Variants in AAK1 observed in about 807,000 individuals in gnomAD.
The protein encoded by AAK1 is AP2 associated kinase 1, also known as AP2-associated protein kinase 1.
AAK1 carries 37 observed loss-of-function variants against 116.0 expected under a neutral mutation model. The observed-to-expected ratio is 0.32, with a 90% confidence interval of 0.25 to 0.42. The LOEUF (loss-of-function observed/expected upper bound fraction) is 0.42, where lower values mean the gene tolerates loss of function less well. Among genes scored for constraint, AAK1 ranks in the 10% least tolerant of loss-of-function variants. The pLI, the probability that AAK1 is intolerant of heterozygous loss-of-function variation, is 1.00. For synonymous variants in AAK1, 458 were observed against 439.9 expected, an observed-to-expected ratio of 1.04 and a Z score of -0.51; for missense variants, 919 against 1,170.6, an observed-to-expected ratio of 0.79 and a Z score of 3.14.
Position 69,466,906 on chromosome 2 carries a change from T to C in AAK1, c.*8963A>G. 1.0e-6 allele frequency: 1 copy of C among 985,408 alleles called. No homozygotes were observed. Among genetic ancestry groups the C allele is most frequent in the Non-Finnish European group, 1.2e-6 (1 of 829,934 alleles). 61.0% of individuals were successfully genotyped at this position (985,408 alleles called of 1,614,324 possible). A position where few individuals can be genotyped will look rare whatever the true frequency, so the allele number is the denominator to read the frequency against. On this transcript the variant is annotated 3_prime_UTR_variant, in exon 22 of 22. Transcript: ENST00000409085. ...ATGGAATGAAAACAAACCCAGTCAT[T>C]CATCTCCACATATACCATGACAGTT...
At chr2:69,622,814 C>G (rs534272297) in intron 2 of AAK1, among the ~76,000 whole-genome samples, 5 of 152,206 alleles carry the variant, frequency 3.3e-5, no homozygotes, top group Admixed American at 2.6e-4. Context: ...ATCGACACTC[C>G]GCATCTAGCT....
chr2:69,516,511 C>T (rs1676587834), intron 12 of AAK1, among the ~76,000 whole-genome samples: 1 of 151,972 alleles, frequency 6.6e-6, no homozygotes. Context: ...AGCATCAAAA[C>T]TGTGGTTTCT....
intron 2 of AAK1, among the ~76,000 whole-genome samples, chr2:69,600,469 G>A (rs1673525442): frequency 6.6e-6 from 1 of 152,140 alleles, no homozygotes; most frequent in African/African-American, 2.4e-5. Flanking sequence ...AGCAGAGAAA[G>A]TAACAACAAC....
At chr2:69,565,820 C>G (rs1323006004) in intron 2 of AAK1, among the ~76,000 whole-genome samples, 3 of 151,854 alleles carry the variant, frequency 2.0e-5, no homozygotes, top group African/African-American at 7.3e-5. Context: ...ACAGTTAGAA[C>G]CTGGGTGCAC....
At chr2:69,637,870 C>T (rs1004657566) in intron 2 of AAK1, among the ~76,000 whole-genome samples, 18 of 152,198 alleles carry the variant, frequency 1.2e-4, no homozygotes, top group African/African-American at 4.1e-4. Flanking sequence ...CATACCCTCC[C>T]ACTCAAAAGT....
At chr2:69,609,020 T>C (rs1344207431) in intron 2 of AAK1, among the ~76,000 whole-genome samples, 1 of 152,242 alleles carries the variant, frequency 6.6e-6, no homozygotes, top group Non-Finnish European at 1.5e-5. Context: ...GAAGACTTGT[T>C]GTTAGGATGT....
intron 5 of AAK1, among the ~76,000 whole-genome samples, chr2:69,539,867 T>A (rs762984663): frequency 6.6e-6 from 1 of 152,232 alleles, no homozygotes; most frequent in Non-Finnish European, 1.5e-5. Flanking sequence ...CATCACTGCC[T>A]GATCTCACTA....
At position 69,578,932 on chromosome 2, in the gene AAK1, T is replaced by C. The variant is rs75947430; in HGVS notation, c.164-21954A>G. On this transcript the variant is annotated intron_variant, in intron 2 of 21. Transcript: ENST00000409085. The stretch of plus-strand genomic sequence containing the variant: ...AGTTCTCCTGCCTCAGCCTCCCAAG[T>C]AGCTGGGACTACAGGTGCGTGCCAC... 1.6e-4 allele frequency among the ~76,000 whole-genome samples: 25 copies of C among 152,090 alleles called. No homozygotes were observed. The South Asian group carries it at 5.0e-3, about 30-fold the overall frequency.
At chr2:69,510,250 C>A (rs1477753711) in intron 13 of AAK1, among the ~76,000 whole-genome samples, 1 of 152,168 alleles carries the variant, frequency 6.6e-6, no homozygotes, top group African/African-American at 2.4e-5. Flanking sequence ...CTCTTTGCGT[C>A]CATGAGTTCT....
chr2:69,503,553 G>A (rs1342959656), intron 16 of AAK1, among the ~76,000 whole-genome samples: 4 of 152,034 alleles, frequency 2.6e-5, no homozygotes, highest in Admixed American at 6.6e-5. Context: ...AGGATCTCAC[G>A]CTGTTGCCCA....
rs79559745 is a variant in AAK1 at position 69,523,592 on chromosome 2, TCTC to T, written c.1055+1438_1055+1440del. On this transcript the variant is annotated intron_variant, in intron 10 of 21. Transcript: ENST00000409085. ...GGTAGAAAAAAGAGGAGTATAAATA[TCTC>T]CTGCGCTACCTCTAGAATCTGCCAT... Among the ~76,000 whole-genome samples, 1,016 of 152,304 alleles carry T rather than the reference TCTC, an allele frequency of 6.7e-3. 21 individuals carry two copies. The highest frequency in any genetic ancestry group is 0.012 in the East Asian group (64 of 5,188).
At chr2:69,561,107 T>C (rs1671615836) in intron 2 of AAK1, among the ~76,000 whole-genome samples, 1 of 152,194 alleles carries the variant, frequency 6.6e-6, no homozygotes, top group African/African-American at 2.4e-5. Context: ...TTTAAATTAA[T>C]GCTGTTCAGG....
rs79771996 is a variant in AAK1 at position 69,508,097 on chromosome 2, T to C, written c.2007-519A>G. ...TTGTGAAATGAATGTCTCCTTTCCT[T>C]CATGACTCACTACCTCCCACTACTT... On this transcript the variant is annotated intron_variant, in intron 14 of 21. Coordinates refer to ENST00000409085, the MANE Select transcript of AAK1 (RefSeq NM_014911.5). Among the ~76,000 whole-genome samples, 1,209 of 152,328 alleles carry C rather than the reference T, an allele frequency of 7.9e-3. 17 individuals are homozygous for C. The highest frequency in any genetic ancestry group is 0.028 in the African/African-American group (1,152 of 41,566).
In AAK1 at chr2:69,465,084, A is replaced by G; in HGVS notation, c.*10785T>C. ...ATAGGGCCCCTTTGGGATTGGGGTG[A>G]AGAAGTATTTCAGGATTTAAACAGT... On this transcript the variant is annotated 3_prime_UTR_variant, in exon 22 of 22. Coordinates refer to ENST00000409085, the MANE Select transcript of AAK1 (RefSeq NM_014911.5). 5.1e-6 allele frequency: 1 copy of G among 194,434 alleles called. No homozygotes were observed. The highest frequency in any genetic ancestry group is 1.1e-5 in the Non-Finnish European group (1 of 93,862). The allele number at this position is 194,434 out of a possible 1,614,324, so 12.0% of individuals were successfully genotyped here. A position where few individuals can be genotyped will look rare whatever the true frequency, so the allele number is the denominator to read the frequency against.
At chr2:69,529,583 C>T (rs6718376) in intron 8 of AAK1, among the ~76,000 whole-genome samples, 22,552 of 152,090 alleles carry the variant, frequency 0.15, 2,233 homozygotes, top group African/African-American at 0.28. Context: ...CCTGGTTCCA[C>T]GGAGTTATAT....
intron 2 of AAK1, among the ~76,000 whole-genome samples, chr2:69,640,047 A>ACTCTCTCTCTCT (rs1675638078): frequency 1.5e-5 from 2 of 135,520 alleles, no homozygotes; most frequent in African/African-American, 5.8e-5. Flanking sequence ...ACACACACAC[A>ACTCTCTCTCTCT]CACACACTCT....
intron 2 of AAK1, among the ~76,000 whole-genome samples, chr2:69,602,838 CA>C (rs1673637858): frequency 6.6e-6 from 1 of 152,124 alleles, no homozygotes; most frequent in Non-Finnish European, 1.5e-5. Flanking sequence ...TTTTAAAAAG[CA>C]ACAGAAAAAT....
At chr2:69,568,425 CTTTTTTTTTTTT>C (rs61271799) in intron 2 of AAK1, among the ~76,000 whole-genome samples, 9 of 122,212 alleles carry the variant, frequency 7.4e-5, no homozygotes, top group African/African-American at 2.5e-4. Context: ...ATGTTTTCAA[CTTTTTTTTTTTT>C]TTTTTTTTTT....
intron 2 of AAK1, among the ~76,000 whole-genome samples, chr2:69,604,190 A>G (rs961708734): frequency 1.3e-5 from 2 of 152,210 alleles, no homozygotes; most frequent in Non-Finnish European, 2.9e-5. Context: ...ACCTCACCAG[A>G]GAATCAAATA....
Sources: gnomAD v4.1 joint callset for allele counts (sites outside exome capture counted in the v4.1 genomes callset) on GRCh38, gnomAD v4.1.1 for gene constraint, MANE v1.5 for transcripts, NCBI Gene and HGNC (gene_info 2026-07-23, HGNC 2026-07-21) for gene names.